Variants in NBEA observed in about 807,000 individuals in gnomAD.
NBEA encodes lysosomal-trafficking regulator 2.
A neutral mutation model predicts 343.4 loss-of-function variants in NBEA; 44 were observed. The observed-to-expected ratio is 0.13, with a 90% CI of 0.10 to 0.16. NBEA has a LOEUF of 0.16. Among genes scored for constraint, NBEA ranks in the 10% least tolerant of loss-of-function variants. The pLI, the probability that NBEA is intolerant of heterozygous loss-of-function variation, is 1.00. For synonymous variants in NBEA, 1,175 were observed against 1,238.7 expected, an observed-to-expected ratio of 0.95 and a Z score of 1.08; for missense variants, 2,555 against 3,631.3, an observed-to-expected ratio of 0.70 and a Z score of 7.62.
intron 41 of NBEA, among the ~76,000 whole-genome samples, chr13:35,525,268 G>A (rs1378204820): frequency 1.3e-5 from 2 of 152,060 alleles, no homozygotes; most frequent in Non-Finnish European, 2.9e-5. Context: ...AAATAAATTT[G>A]AGGCCAGGTG....
intron 9 of NBEA, 106 bp downstream of exon 9, chr13:35,070,211 C>CT (rs2152574027): frequency 1.8e-6 from 2 of 1,130,344 alleles, no homozygotes; most frequent in African/African-American, 1.6e-5. Flanking sequence ...TTTTTTGCTT[C>CT]TTTTTTGGCT....
intron 41 of NBEA, among the ~76,000 whole-genome samples, chr13:35,549,596 G>A (rs1174472004): frequency 6.6e-6 from 1 of 152,130 alleles, no homozygotes; most frequent in African/African-American, 2.4e-5. Flanking sequence ...AGCCAACCTT[G>A]GCCTTCCTCT....
chr13:34,989,766 T>A (rs1252081739), intron 1 of NBEA, among the ~76,000 whole-genome samples: 2 of 150,652 alleles, frequency 1.3e-5, no homozygotes, highest in Non-Finnish European at 3.0e-5. Flanking sequence ...AACTCAAAAG[T>A]CGAAGTCCAA....
intron 41 of NBEA, among the ~76,000 whole-genome samples, chr13:35,517,521 T>C (rs1016986752): frequency 6.6e-6 from 1 of 152,198 alleles, no homozygotes; most frequent in African/African-American, 2.4e-5. Context: ...CCAGGCCTTA[T>C]TGCCCATTTG....
chr13:35,308,956 A>G (rs1382680678), intron 35 of NBEA, among the ~76,000 whole-genome samples: 1 of 151,472 alleles, frequency 6.6e-6, no homozygotes, highest in African/African-American at 2.4e-5. Context: ...ATATTTAGCC[A>G]TAGGTTTACT....
At chr13:35,293,948 A>G (rs2035955185) in intron 35 of NBEA, among the ~76,000 whole-genome samples, 1 of 152,064 alleles carries the variant, frequency 6.6e-6, no homozygotes, top group Admixed American at 6.6e-5. Context: ...TAGTATTTAA[A>G]TGCTTTCTGA....
At chr13:35,453,250 T>C (rs2046394934) in intron 40 of NBEA, among the ~76,000 whole-genome samples, 1 of 152,220 alleles carries the variant, frequency 6.6e-6, no homozygotes, top group Non-Finnish European at 1.5e-5. Flanking sequence ...CACATTATTC[T>C]CCCTTTTCTA....
At chr13:35,423,825 T>C (rs1416867531) in intron 38 of NBEA, among the ~76,000 whole-genome samples, 1 of 152,168 alleles carries the variant, frequency 6.6e-6, no homozygotes, top group African/African-American at 2.4e-5. Context: ...TTTTATTTCA[T>C]TGAGCAGTGG....
At chr13:35,033,506 A>G (rs1296674412) in intron 1 of NBEA, among the ~76,000 whole-genome samples, 1 of 151,944 alleles carries the variant, frequency 6.6e-6, no homozygotes, top group Non-Finnish European at 1.5e-5. Flanking sequence ...GTGATTCCAT[A>G]TAAATTTGAG....
At chr13:35,251,230 A>G in intron 34 of NBEA, 1 of 277,064 alleles carries the variant, frequency 3.6e-6, no homozygotes, top group Non-Finnish European at 6.5e-6. Context: ...AACCAATGGC[A>G]TTCCACTGCT....
At chr13:34,952,493 C>A (rs2059379262) in intron 1 of NBEA, among the ~76,000 whole-genome samples, 1 of 151,992 alleles carries the variant, frequency 6.6e-6, no homozygotes, top group African/African-American at 2.4e-5. Context: ...TACTCTGAAC[C>A]AGAATAGTAG....
intron 38 of NBEA, among the ~76,000 whole-genome samples, chr13:35,426,150 C>T (rs2044657072): frequency 1.3e-5 from 2 of 152,072 alleles, no homozygotes; most frequent in South Asian, 4.1e-4. Flanking sequence ...CATTTACATT[C>T]AAAGTTAATA....
chr13:35,205,591 C>G (rs73167786), intron 31 of NBEA, among the ~76,000 whole-genome samples: 6,953 of 152,122 alleles, frequency 0.046, 200 homozygotes, highest in South Asian at 0.079. Flanking sequence ...TTCTGTTTGT[C>G]ATTATCCTTG....
intron 40 of NBEA, among the ~76,000 whole-genome samples, chr13:35,469,289 A>T (rs1220200448): frequency 6.6e-6 from 1 of 152,092 alleles, no homozygotes; most frequent in Non-Finnish European, 1.5e-5. Context: ...TTTCTACTGT[A>T]GGTCCATGAT....
At chr13:35,249,212 T>A (rs61947442) in intron 34 of NBEA, among the ~76,000 whole-genome samples, 12,435 of 145,380 alleles carry the variant, frequency 0.086, 608 homozygotes, top group African/African-American at 0.15. Flanking sequence ...GATTTGGCAA[T>A]GATTTCTTTC....
At chr13:35,245,680 A>G (rs1055770663) in intron 34 of NBEA, among the ~76,000 whole-genome samples, 12 of 152,112 alleles carry the variant, frequency 7.9e-5, no homozygotes, top group Admixed American at 5.2e-4. Flanking sequence ...GTTTTCCTTT[A>G]TAGGTTACCT....
At chr13:35,351,039 T>C (rs1358049121) in intron 37 of NBEA, among the ~76,000 whole-genome samples, 1 of 151,976 alleles carries the variant, frequency 6.6e-6, no homozygotes, top group Non-Finnish European at 1.5e-5. Flanking sequence ...GTTGTACTAA[T>C]TGGTGATTCC....
chr13:35,357,526 A>G (rs2040559070), intron 38 of NBEA, among the ~76,000 whole-genome samples: 1 of 151,714 alleles, frequency 6.6e-6, no homozygotes, highest in South Asian at 2.1e-4. Context: ...TTTAGCTCCC[A>G]CTTGTAAGTG....
At chr13:35,256,003 G>A (rs550879529) in intron 34 of NBEA, among the ~76,000 whole-genome samples, 59 of 151,840 alleles carry the variant, frequency 3.9e-4, no homozygotes, top group African/African-American at 1.4e-3. Context: ...CCAGCTGTCA[G>A]TGGAAAGGAT....
Sources: allele counts gnomAD v4.1 joint callset (sites outside exome capture counted in the v4.1 genomes callset), GRCh38; gene constraint gnomAD v4.1.1; transcripts MANE v1.5; gene names NCBI Gene and HGNC (gene_info 2026-07-23, HGNC 2026-07-21).